Variants in CCDC88A observed in about 807,000 individuals in gnomAD.
CCDC88A encodes the protein coiled-coil and HOOK domain protein 88A.
A neutral mutation model predicts 234.3 loss-of-function variants in CCDC88A; 54 were observed. That is an observed-to-expected ratio of 0.23 (90% CI 0.19 to 0.29). CCDC88A has a LOEUF of 0.29. CCDC88A is among the 10% of genes least tolerant of loss of function. The pLI is 1.00. For synonymous variants in CCDC88A, 753 were observed against 737.8 expected, an observed-to-expected ratio of 1.02 and a Z score of -0.33; for missense variants, 1,832 against 2,123.4, an observed-to-expected ratio of 0.86 and a Z score of 2.70.
Position 55,324,769 on chromosome 2 carries a change from C to T in CCDC88A, c.2998-2077G>A, listed in dbSNP as rs148333033. 4.0e-3 allele frequency among the ~76,000 whole-genome samples: 609 copies of T among 152,202 alleles called. 5 individuals are homozygous for T. The highest frequency in any genetic ancestry group is 0.014 in the African/African-American group (575 of 41,518). The stretch of plus-strand genomic sequence containing the variant: ...CAAGTGATTCTCGTGGCTCAGTCTC[C>T]TGAGTAGCTGGGACTACAGGTGTGC... On this transcript the variant is annotated intron_variant, in intron 17 of 32. Coordinates refer to ENST00000436346, the MANE Select transcript of CCDC88A (RefSeq NM_001365480.1).
intron 12 of CCDC88A, among the ~76,000 whole-genome samples, chr2:55,342,969 T>C (rs906385717): frequency 6.6e-6 from 1 of 152,156 alleles, no homozygotes; most frequent in African/African-American, 2.4e-5. Context: ...AACTGGTGAA[T>C]TTTTTTGTAA....
intron 29 of CCDC88A, 30 bp downstream of exon 29, chr2:55,299,809 A>G: frequency 7.1e-7 from 1 of 1,402,052 alleles, no homozygotes; most frequent in Non-Finnish European, 1.0e-6. Flanking sequence ...AAATGGATAG[A>G]GCGCATTAAT....
At chr2:55,396,327 T>C (rs1008465473) in intron 2 of CCDC88A, among the ~76,000 whole-genome samples, 2 of 152,226 alleles carry the variant, frequency 1.3e-5, no homozygotes, top group Admixed American at 1.3e-4. Flanking sequence ...TCTACCCTTC[T>C]TCTACCTTTT....
chr2:55,336,876 G>A (rs1369515095), intron 13 of CCDC88A, 58 bp from the exon 14 acceptor site: 2 of 1,109,528 alleles, frequency 1.8e-6, no homozygotes, highest in Non-Finnish European at 2.6e-6. Context: ...GTGAAAACAT[G>A]TCAAAACAAA....
chr2:55,373,604 AAC>A (rs1264474529), intron 4 of CCDC88A, among the ~76,000 whole-genome samples: 5 of 152,204 alleles, frequency 3.3e-5, no homozygotes, highest in African/African-American at 4.8e-5. Context: ...GAGCTTCTAG[AAC>A]ATAGACCATT....
chr2:55,362,544 C>G, intron 6 of CCDC88A, 96 bp from the exon 7 acceptor site: 1 of 964,238 alleles, frequency 1.0e-6, no homozygotes, highest in Non-Finnish European at 1.5e-6. Context: ...TATTATATAA[C>G]CCATATAAAA....
Position 55,309,284 on chromosome 2 carries a change from G to T in CCDC88A, c.4080-30C>A. 1 of 1,013,676 alleles carries T rather than the reference G, an allele frequency of 9.9e-7. No homozygotes were observed. The highest frequency in any genetic ancestry group is 1.4e-5 in the South Asian group (1 of 71,204). 62.8% of individuals were successfully genotyped at this position (1,013,676 alleles called of 1,614,324 possible). On this transcript the variant is annotated intron_variant, in intron 23 of 32. Transcript: ENST00000436346. This position sits in a 1 kb window ranked among gnomAD's most constrained non-coding sequence, Gnocchi z 5.1. The stretch of plus-strand genomic sequence containing the variant: ...AAAATAAAAATTACCTTTTAGGACA[G>T]GCATCATATTTTGTACAGCTATGAA...
In CCDC88A at chr2:55,309,855, TAGGAG is replaced by T. The variant is rs1174250313; in HGVS notation, c.4080-606_4080-602del. Among the ~76,000 whole-genome samples the T allele has an allele frequency of 6.6e-6, 1 of 152,110 alleles. No individual in the cohort carries two copies. Among genetic ancestry groups the T allele is most frequent in the Non-Finnish European group, 1.5e-5 (1 of 68,010 alleles). On this transcript the variant is annotated intron_variant, in intron 23 of 32. Coordinates refer to ENST00000436346, the MANE Select transcript of CCDC88A (RefSeq NM_001365480.1). This position sits in a 1 kb window ranked among gnomAD's most constrained non-coding sequence, Gnocchi z 5.1. Reference sequence around the variant, plus strand: ...ATAATAAATAGCTTTGTTTACAATATAGGAGAGAAGATATATCCATAAATTAATAT... The same window carrying T: ...ATAATAAATAGCTTTGTTTACAATATAGAAGATATATCCATAAATTAATAT...
At position 55,315,962 on chromosome 2, in the gene CCDC88A, T is replaced by G; in HGVS notation, c.3899A>C (p.Asp1300Ala). The G allele has an allele frequency of 6.3e-7, 1 of 1,583,514 alleles. No homozygotes were observed. The highest frequency in any genetic ancestry group is 8.6e-7 in the Non-Finnish European group (1 of 1,167,378). The change falls in exon 22 of 33, where the codon GAT (aspartate) becomes GCT (alanine). Residue 1300 changes from aspartate (D) to alanine (A), a missense_variant. By Grantham distance (126) the Asp-to-Ala change is moderately radical. Around this residue, in one of 6 missense-constraint regions of CCDC88A, gnomAD observed 1,282 missense variants for 1,543.6 expected, o/e 0.83. Coordinates refer to ENST00000436346, the MANE Select transcript of CCDC88A (RefSeq NM_001365480.1). Reference sequence around the variant, plus strand: ...GTTATTCAGCTTGGTTGATGTAATATCCAATTGTTGGTATTGTTCCTTTAG... The same window carrying G: ...GTTATTCAGCTTGGTTGATGTAATAGCCAATTGTTGGTATTGTTCCTTTAG... ...SKLKEQYQQL[D>A]ITSTKLNNQC...
At chr2:55,341,099 T>C (rs1009151446) in intron 12 of CCDC88A, among the ~76,000 whole-genome samples, 3 of 151,870 alleles carry the variant, frequency 2.0e-5, no homozygotes, top group Admixed American at 6.6e-5. Flanking sequence ...CATAATGCCC[T>C]TGAAGTTCAT....
intron 18 of CCDC88A, 99 bp from the exon 19 acceptor site, chr2:55,319,103 G>C (rs979293363): frequency 1.1e-6 from 1 of 924,828 alleles, no homozygotes; most frequent in East Asian, 2.8e-5. Context: ...GTATTTATTA[G>C]CATTATAATC....
intron 31 of CCDC88A, chr2:55,294,688 C>T (rs1175636157): frequency 9.1e-6 from 9 of 990,168 alleles, no homozygotes; most frequent in Non-Finnish European, 1.1e-5. Flanking sequence ...CATTTTTTTC[C>T]AGAAGCAACA....
intron 18 of CCDC88A, among the ~76,000 whole-genome samples, chr2:55,321,635 T>C (rs1233206455): frequency 2.0e-5 from 3 of 152,126 alleles, no homozygotes; most frequent in Non-Finnish European, 2.9e-5. Flanking sequence ...TATGGAATAA[T>C]AGGTAGTCAT....
chr2:55,291,891 G>A (rs1679482065), intron 31 of CCDC88A, 116 bp from the exon 32 acceptor site: 2 of 645,376 alleles, frequency 3.1e-6, no homozygotes, highest in African/African-American at 1.9e-5. Context: ...GTAACTGTCT[G>A]GGAAAATTAT....
chr2:55,382,610 A>C (rs1441112212), intron 3 of CCDC88A, among the ~76,000 whole-genome samples: 1 of 152,156 alleles, frequency 6.6e-6, no homozygotes, highest in Non-Finnish European at 1.5e-5. Context: ...AGAAAAATAA[A>C]TTTTTTAAGA....
At chr2:55,331,106 G>C (rs1204584642) in intron 16 of CCDC88A, among the ~76,000 whole-genome samples, 1 of 152,166 alleles carries the variant, frequency 6.6e-6, no homozygotes, top group Non-Finnish European at 1.5e-5. Flanking sequence ...ATTTATAATA[G>C]GGTCAAGTAG....
intron 5 of CCDC88A, among the ~76,000 whole-genome samples, chr2:55,371,653 T>C (rs1265832122): frequency 2.6e-5 from 4 of 152,168 alleles, no homozygotes; most frequent in African/African-American, 9.7e-5. Flanking sequence ...ACTGTAATTA[T>C]TATATGTATT....
chr2:55,314,318 C>T (rs1682706165), intron 22 of CCDC88A: 1 of 152,244 alleles, frequency 6.6e-6, no homozygotes, highest in African/African-American at 2.4e-5. Flanking sequence ...GTTTACTGTC[C>T]ATTACCACTA....
At chr2:55,363,052 A>T (rs1267857628) in intron 6 of CCDC88A, among the ~76,000 whole-genome samples, 1 of 151,966 alleles carries the variant, frequency 6.6e-6, no homozygotes, top group Non-Finnish European at 1.5e-5. Flanking sequence ...GATGGTGGCA[A>T]ATTCAGTAAC....
Sources: gnomAD v4.1 joint callset for allele counts (sites outside exome capture counted in the v4.1 genomes callset) on GRCh38, gnomAD v4.1.1 for gene constraint, gnomAD v4.1.1 regional missense constraint, Gnocchi (gnomAD v3.1) non-coding constraint, MANE v1.5 for transcripts, NCBI Gene and HGNC (gene_info 2026-07-23, HGNC 2026-07-21) for gene names.